Variants in MYO5C observed in about 807,000 individuals in gnomAD.
MYO5C encodes the protein myosin VC, also known as unconventional myosin-Vc.
In MYO5C, 194 loss-of-function variants were observed where a neutral mutation model predicts 235.7. The ratio of observed to expected loss-of-function variants is 0.82; its 90% CI spans 0.73 to 0.93. The LOEUF is 0.93. Among genes scored for constraint, MYO5C ranks in the 40% least tolerant of loss-of-function variants. The probability of loss-of-function intolerance (pLI) is 0.00; values close to 1 mark genes in which losing one functional copy is unlikely to be tolerated. For synonymous variants in MYO5C, 707 were observed against 754.8 expected, an observed-to-expected ratio of 0.94 and a Z score of 1.04; for missense variants, 2,038 against 2,127.2, an observed-to-expected ratio of 0.96 and a Z score of 0.82.
intron 7 of MYO5C, among the ~76,000 whole-genome samples, chr15:52,270,338 G>T (rs1300554129): frequency 6.6e-6 from 1 of 152,084 alleles, no homozygotes; most frequent in East Asian, 1.9e-4. Context: ...TGAGACTCAG[G>T]AAAGTGAAGT....
chr15:52,244,400 G>A lies in MYO5C; in HGVS notation c.2346C>T (p.Ala782=), dbSNP rs529984659. 2.0e-5 allele frequency: 33 copies of A among 1,613,920 alleles called. No individual in the cohort carries two copies. The highest frequency in any genetic ancestry group is 3.4e-4 in the Middle Eastern group (2 of 5,936). ...QRKKFLRERR[A]ALIIQQYFRG... is the part of the protein sequence containing the mutation. ...GGAAGTACTGCTGGATTATCAGGGC[G>A]GCTCGTCTCTCTCGGAGGAATTTTT... Residue 782 remains alanine (A), a synonymous_variant, in exon 19 of 41, where the codon GCC becomes GCT. Transcript: ENST00000261839.
chr15:52,222,387 C>T (rs1263082277), intron 29 of MYO5C, among the ~76,000 whole-genome samples: 1 of 152,152 alleles, frequency 6.6e-6, no homozygotes, highest in Non-Finnish European at 1.5e-5. Context: ...TTTCCTAACA[C>T]TCTCAGTTTA....
chr15:52,256,992 G>A (rs947267823), intron 10 of MYO5C: 6 of 314,526 alleles, frequency 1.9e-5, no homozygotes, highest in South Asian at 5.6e-5. Flanking sequence ...GGTGTAGTCC[G>A]CACAACAACA....
intron 4 of MYO5C, chr15:52,277,804 C>A (rs977158952): frequency 1.5e-5 from 7 of 454,058 alleles, no homozygotes; most frequent in Admixed American, 7.1e-5. Flanking sequence ...CCCCAGACTG[C>A]CCATCAGACA....
intron 2 of MYO5C, among the ~76,000 whole-genome samples, chr15:52,282,428 C>T (rs1206145371): frequency 6.6e-6 from 1 of 152,230 alleles, no homozygotes; most frequent in Non-Finnish European, 1.5e-5. Context: ...TTCATCTCTG[C>T]CCAATCTCTG....
intron 24 of MYO5C, among the ~76,000 whole-genome samples, chr15:52,231,656 A>G (rs1016025804): frequency 5.3e-5 from 8 of 152,206 alleles, no homozygotes; most frequent in Non-Finnish European, 1.0e-4. Flanking sequence ...ACCCAGACGC[A>G]GGCTGTCCTG....
chr15:52,229,406 C>T, intron 24 of MYO5C, 93 bp from the exon 25 acceptor site: 1 of 1,224,734 alleles, frequency 8.2e-7, no homozygotes. Context: ...AGGCGGATCC[C>T]TTGAGCCCAG....
chr15:52,255,850 A>C (rs2036567667), intron 11 of MYO5C, among the ~76,000 whole-genome samples: 2 of 152,212 alleles, frequency 1.3e-5, no homozygotes, highest in Non-Finnish European at 2.9e-5. Flanking sequence ...ATACACTCAA[A>C]AACGTCTTTT....
At chr15:52,212,589 G>T (rs1403353753) in intron 34 of MYO5C, among the ~76,000 whole-genome samples, 1 of 152,132 alleles carries the variant, frequency 6.6e-6, no homozygotes, top group Non-Finnish European at 1.5e-5. Flanking sequence ...CTGACAGGGA[G>T]GCAGATTTTT....
Position 52,279,620 on chromosome 15 carries a change from T to A in MYO5C, c.193A>T (p.Ile65Phe), listed in dbSNP as rs1338051803. The change falls in exon 3 of 41, where the codon ATC becomes TTC. Residue 65 changes from isoleucine to phenylalanine, a missense_variant. Ile to Phe is a conservative substitution (Grantham distance 21, BLOSUM62 0). Transcript: ENST00000261839. ...ESLPPLRNPDILVGENDLTAL... is the reference protein window; with the variant it reads ...ESLPPLRNPDFLVGENDLTAL... ...GTGAGGTCATTCTCGCCCACGAGGA[T>A]GTCAGGATTCCGAAGTGGAGGCAGA... 3 of 1,613,764 alleles carry A rather than the reference T, an allele frequency of 1.9e-6. No individual in the cohort carries two copies. Among genetic ancestry groups the A allele is most frequent in the Non-Finnish European group, 2.5e-6 (3 of 1,179,744 alleles).
chr15:52,242,659 T>G (rs991588160), intron 19 of MYO5C: 1 of 154,952 alleles, frequency 6.5e-6, no homozygotes, highest in African/African-American at 2.4e-5. Context: ...GTGAAGATAA[T>G]GTCCTTACCT....
chr15:52,269,931 G>T, intron 7 of MYO5C, 71 bp from the exon 8 acceptor site: 1 of 1,055,938 alleles, frequency 9.5e-7, no homozygotes, highest in Non-Finnish European at 1.5e-6. Flanking sequence ...ATCAGAAGAA[G>T]GGAAGTTCAT....
intron 20 of MYO5C, among the ~76,000 whole-genome samples, chr15:52,241,447 G>A (rs2036220398): frequency 6.6e-6 from 1 of 151,896 alleles, no homozygotes; most frequent in African/African-American, 2.4e-5. Context: ...TTTTAGTAGA[G>A]ACAGGGTTTC....
intron 19 of MYO5C, 33 bp downstream of exon 19, chr15:52,244,323 C>T (rs753748731): frequency 2.5e-6 from 4 of 1,596,290 alleles, no homozygotes. Flanking sequence ...GAAAGCCCCA[C>T]AGTTCCACAT....
intron 7 of MYO5C, among the ~76,000 whole-genome samples, chr15:52,270,215 G>A (rs913175837): frequency 1.3e-5 from 2 of 152,138 alleles, no homozygotes; most frequent in Non-Finnish European, 2.9e-5. Context: ...CCAGGAGTTC[G>A]AGGCTGCAGT....
chr15:52,241,367 C>T (rs572026465), intron 20 of MYO5C, among the ~76,000 whole-genome samples: 2 of 149,296 alleles, frequency 1.3e-5, no homozygotes, highest in South Asian at 4.3e-4. Context: ...TCATGCCATT[C>T]TCCTGCCTCA....
intron 13 of MYO5C, among the ~76,000 whole-genome samples, chr15:52,249,836 GCTCAGCTGACTTGCATTCAATA>G (rs1399038805): frequency 2.0e-5 from 3 of 152,182 alleles, no homozygotes; most frequent in Admixed American, 6.5e-5. Flanking sequence ...CTACATCTAA[GCTCAGCTGACTTGCATTCAATA>G]CGACCTGATT....
At position 52,229,192 on chromosome 15, in the gene MYO5C, C is replaced by T. The variant is rs1372109957; in HGVS notation, c.3148G>A (p.Glu1050Lys). ...TTCAAGCCATCAGAAGTGACGTGCTCCCCCTCCACCAGGTGTTGGAGTTGC... is the reference window on the plus strand; with the variant it reads ...TTCAAGCCATCAGAAGTGACGTGCTTCCCCTCCACCAGGTGTTGGAGTTGC... ...KMQLQHLVEG[E>K]HVTSDGLKAE... Residue 1050 changes from glutamate (E) to lysine (K), a missense_variant, in exon 25 of 41, where the codon GAG becomes AAG. Physicochemically the swap from Glu to Lys is moderately conservative, Grantham distance 56 (BLOSUM62 1). Transcript: ENST00000261839. 12 of 1,614,208 alleles carry T rather than the reference C, an allele frequency of 7.4e-6. No homozygotes were observed. The highest frequency in any genetic ancestry group is 1.0e-5 in the Non-Finnish European group (12 of 1,180,050).
At position 52,242,093 on chromosome 15, in the gene MYO5C, C is replaced by G. The variant is rs1049388762; in HGVS notation, c.2511G>C (p.Met837Ile). ...YQLIRMATIT[M>I]QAYSRGFLAR... ...CCAGGAATCCTCGGCTGTAGGCCTG[C>G]ATTGTGATGGTGGCCATGCGAATCA... Residue 837 changes from methionine (M) to isoleucine (I), a missense_variant, in exon 20 of 41, where the codon ATG becomes ATC. Transcript: ENST00000261839. The G allele has an allele frequency of 6.2e-7, 1 of 1,613,982 alleles. No individual in the cohort carries two copies. The highest frequency in any genetic ancestry group is 1.3e-5 in the African/African-American group (1 of 75,036).
Sources: gnomAD v4.1 joint callset for allele counts (sites outside exome capture counted in the v4.1 genomes callset) on GRCh38, gnomAD v4.1.1 for gene constraint, MANE v1.5 for transcripts, NCBI Gene and HGNC (gene_info 2026-07-23, HGNC 2026-07-21) for gene names.